The following ERI1 variants were observed in gnomAD, a reference collection of about 807,000 sequenced individuals.
ERI1 encodes exoribonuclease 1.
Under a neutral mutation model 39.7 loss-of-function variants are expected in ERI1, and 39 were observed. The observed-to-expected ratio is 0.98, with a 90% confidence interval of 0.76 to 1.28. The LOEUF is 1.28. ERI1 is among the 50% of genes most tolerant of loss of function. ERI1 has a pLI of 0.00. For synonymous variants in ERI1, 204 were observed against 149.6 expected, an observed-to-expected ratio of 1.36 and a Z score of -2.65; for missense variants, 581 against 416.9, an observed-to-expected ratio of 1.39 and a Z score of -3.43.
chr8:9,096,294 G>A (rs1799875294), intron 3 of ERI1, among the ~76,000 whole-genome samples: 1 of 152,168 alleles, frequency 6.6e-6, no homozygotes, highest in African/African-American at 2.4e-5. Flanking sequence ...ATAAAGAGGT[G>A]CTGGATTACA....
chr8:9,087,840 C>G (rs1799579834), intron 3 of ERI1, among the ~76,000 whole-genome samples: 1 of 152,142 alleles, frequency 6.6e-6, no homozygotes, highest in Non-Finnish European at 1.5e-5. Context: ...ACATTAAGGA[C>G]CCCTTGCTTC....
intron 2 of ERI1, 68 bp from the exon 3 acceptor site, chr8:9,011,474 C>G (rs1816659808): frequency 9.7e-7 from 1 of 1,031,390 alleles, no homozygotes; most frequent in Non-Finnish European, 1.4e-6. Flanking sequence ...CCAGTGCCAG[C>G]AGGTGAGAGT....
At chr8:9,068,958 C>CCT (rs1798968370) in intron 3 of ERI1, among the ~76,000 whole-genome samples, 11 of 152,126 alleles carry the variant, frequency 7.2e-5, no homozygotes, top group Admixed American at 7.2e-4. Flanking sequence ...GCTGGGACTA[C>CCT]AGGTGTGCAC....
Position 9,064,585 on chromosome 8 carries a change from G to C in ERI1, n.299+44121G>C, listed in dbSNP as rs1035036745. Among the ~76,000 whole-genome samples, 95 of 152,154 alleles carry C rather than the reference G, an allele frequency of 6.2e-4. 1 individual carries two copies. Among genetic ancestry groups the C allele is most frequent in the Non-Finnish European group, 1.6e-4 (11 of 68,034 alleles). On this transcript the variant is annotated intron_variant and non_coding_transcript_variant, in intron 3 of 3. Transcript: ENST00000518663. The stretch of plus-strand genomic sequence containing the variant: ...TGAAGGGTGGTGCAAAGATTGAAAG[G>C]AGAAAGTGGTTGAGGGATAGTGAGA...
chr8:9,078,654 C>A (rs781382329), intron 3 of ERI1, among the ~76,000 whole-genome samples: 9 of 152,158 alleles, frequency 5.9e-5, no homozygotes, highest in Non-Finnish European at 1.2e-4. Flanking sequence ...GAGACCAAGT[C>A]ATTTTCATCT....
intron 3 of ERI1, among the ~76,000 whole-genome samples, chr8:9,069,802 A>G (rs1328818866): frequency 6.6e-6 from 1 of 152,262 alleles, no homozygotes; most frequent in African/African-American, 2.4e-5. Context: ...AGGAGGAATT[A>G]TAGAGAAGGA....
intron 3 of ERI1, among the ~76,000 whole-genome samples, chr8:9,079,924 G>A (rs1261581120): frequency 3.3e-5 from 5 of 151,286 alleles, no homozygotes; most frequent in Admixed American, 3.3e-4. Flanking sequence ...TCCAGCCTTG[G>A]CCTCCCAAAG....
intron 3 of ERI1, among the ~76,000 whole-genome samples, chr8:9,046,979 C>T (rs766376026): frequency 6.6e-6 from 1 of 152,164 alleles, no homozygotes. Flanking sequence ...GTGAACTGGG[C>T]TGAGATTTTT....
At chr8:9,025,593 A>G (rs1019510976) in intron 6 of ERI1, among the ~76,000 whole-genome samples, 6 of 152,136 alleles carry the variant, frequency 3.9e-5, no homozygotes, top group Non-Finnish European at 8.8e-5. Flanking sequence ...CTTTGTCTAG[A>G]TTTCACATCA....
chr8:9,013,138 C>T (rs1301905051), intron 3 of ERI1, among the ~76,000 whole-genome samples: 2 of 151,960 alleles, frequency 1.3e-5, no homozygotes, highest in Non-Finnish European at 2.9e-5. Flanking sequence ...CCTCAGCCTC[C>T]TGAGTAGCTG....
chr8:9,070,034 T>G (rs1390841566), intron 3 of ERI1, among the ~76,000 whole-genome samples: 1 of 149,680 alleles, frequency 6.7e-6, no homozygotes, highest in African/African-American at 2.5e-5. Flanking sequence ...AGGTCAGGAG[T>G]TTGAGACTAG....
chr8:9,030,719 A>G lies in ERI1; in HGVS notation c.*685A>G, dbSNP rs969435683. 5 of 152,208 alleles carry G rather than the reference A, an allele frequency of 3.3e-5. No individual in the cohort carries two copies. The highest frequency in any genetic ancestry group is 1.2e-4 in the African/African-American group (5 of 41,458). 9.4% of individuals were successfully genotyped at this position (152,208 alleles called of 1,614,324 possible). ...GGCTGTAGCTCAAACTTCATAATAC[A>G]TAAATCACTGGGGTCTTTTTGGATT... On this transcript the variant is annotated 3_prime_UTR_variant, in exon 7 of 7. Coordinates refer to ENST00000250263, the MANE Select transcript of ERI1 (RefSeq NM_153332.4).
intron 6 of ERI1, 71 bp downstream of exon 6, chr8:9,020,535 A>T (rs1221863315): frequency 2.2e-5 from 21 of 945,196 alleles, no homozygotes; most frequent in Non-Finnish European, 3.0e-5. Context: ...TGTACGTTAG[A>T]TTGTAATTTT....
Position 9,032,564 on chromosome 8 carries a change from T to G in ERI1, c.*2530T>G, listed in dbSNP as rs553287958. The G allele has an allele frequency of 7.2e-5, 11 of 152,328 alleles. No individual in the cohort carries two copies. The highest frequency in any genetic ancestry group is 2.6e-4 in the African/African-American group (11 of 41,568). The allele number at this position is 152,328 out of a possible 1,614,324, so 9.4% of individuals were successfully genotyped here. ...TGCCTCCTAGGGAGAAGTTTCTGCC[T>G]GGATTGAAACAAAAAAACACAGGCG... On this transcript the variant is annotated 3_prime_UTR_variant, in exon 7 of 7. Transcript: ENST00000250263.
chr8:9,007,980 A>C lies in ERI1; in HGVS notation c.119A>C (p.Gln40Pro), dbSNP rs374437030. Residue 40 changes from glutamine (Q) to proline (P), a missense_variant, in exon 2 of 7, where the codon CAG becomes CCG. Gln to Pro is a moderately conservative substitution (Grantham distance 76, BLOSUM62 -1). Coordinates refer to ENST00000250263, the MANE Select transcript of ERI1 (RefSeq NM_153332.4). The part of the protein sequence containing the change: ...PPRPSPEETQ[Q>P]CKFDGQETKG... The stretch of plus-strand genomic sequence containing the variant: ...TTTTTTTTTTGGTAGGAAACTCAAC[A>C]GTGTAAATTTGATGGCCAGGAGACA... 132 of 1,152,380 alleles carry C rather than the reference A, an allele frequency of 1.1e-4. 1 individual carries two copies. The highest frequency in any genetic ancestry group is 1.5e-4 in the Non-Finnish European group (124 of 832,188). The allele number at this position is 1,152,380 out of a possible 1,614,324, so 71.4% of individuals were successfully genotyped here. A position where few individuals can be genotyped will look rare whatever the true frequency, so the allele number is the denominator to read the frequency against.
chr8:9,051,754 T>G (rs957938763), intron 3 of ERI1, among the ~76,000 whole-genome samples: 5 of 152,222 alleles, frequency 3.3e-5, no homozygotes, highest in African/African-American at 1.2e-4. Flanking sequence ...TGTTTAGATC[T>G]TTGTAAGTGT....
intron 3 of ERI1, among the ~76,000 whole-genome samples, chr8:9,068,045 A>C (rs1798936884): frequency 6.6e-6 from 1 of 152,224 alleles, no homozygotes; most frequent in South Asian, 2.1e-4. Flanking sequence ...AATTTTGCTC[A>C]AAGCTTTATG....
At chr8:9,066,374 A>C (rs902560077) in intron 3 of ERI1, among the ~76,000 whole-genome samples, 1 of 152,240 alleles carries the variant, frequency 6.6e-6, no homozygotes, top group African/African-American at 2.4e-5. Flanking sequence ...CGGTGATCCC[A>C]TGTGTTGGAT....
chr8:9,020,215 G>T (rs1817733488), intron 5 of ERI1, 135 bp from the exon 6 acceptor site: 2 of 494,684 alleles, frequency 4.0e-6, no homozygotes, highest in South Asian at 8.2e-5. Flanking sequence ...TAGGAAGCAA[G>T]GTTAATTTTC....
Sources: gnomAD v4.1 joint callset for allele counts (sites outside exome capture counted in the v4.1 genomes callset) on GRCh38, gnomAD v4.1.1 for gene constraint, MANE v1.5 for transcripts, NCBI Gene and HGNC (gene_info 2026-07-23, HGNC 2026-07-21) for gene names.